Variants in ISX observed in about 807,000 individuals in gnomAD.
ISX encodes the protein intestine specific homeobox, also known as intestine-specific homeobox.
A neutral mutation model predicts 16.9 loss-of-function variants in ISX; 15 were observed. The observed-to-expected ratio is 0.89, with a 90% CI of 0.59 to 1.36. The LOEUF is 1.36. ISX is among the 40% of genes most tolerant of loss of function. The pLI, the probability that ISX is intolerant of heterozygous loss-of-function variation, is 0.00. For synonymous variants in ISX, 125 were observed against 119.7 expected, an observed-to-expected ratio of 1.04 and a Z score of -0.29; for missense variants, 316 against 306.1, an observed-to-expected ratio of 1.03 and a Z score of -0.24.
Position 35,085,824 on chromosome 22 carries a change from G to A in ISX, c.*131G>A. ...GGCCCACAGCCCAGGAAGCTACCCT[G>A]AACATGCCAGTTGGAAGGCTGCACC... On this transcript the variant is annotated 3_prime_UTR_variant, in exon 5 of 5. Coordinates refer to ENST00000404699, the MANE Select transcript of ISX (RefSeq NM_001303508.2). The A allele has an allele frequency of 8.9e-7, 1 of 1,125,480 alleles. No individual in the cohort carries two copies. The highest frequency in any genetic ancestry group is 1.5e-5 in the African/African-American group (1 of 65,198). The allele number at this position is 1,125,480 out of a possible 1,614,324, so 69.7% of individuals were successfully genotyped here.
rs1929238321 is a variant in ISX at position 35,085,703 on chromosome 22, A to T, written c.*10A>T. 1.2e-6 allele frequency: 2 copies of T among 1,613,978 alleles called. No homozygotes were observed. Among genetic ancestry groups the T allele is most frequent in the Admixed American group, 3.3e-5 (2 of 59,996 alleles). On this transcript the variant is annotated 3_prime_UTR_variant, in exon 5 of 5. Coordinates refer to ENST00000404699, the MANE Select transcript of ISX (RefSeq NM_001303508.2). Reference sequence around the variant, plus strand: ...TGCTACTTCAACATAGAGATTGGACATGCTCTCCCCAAATGAGCCACTTTC... The same window carrying T: ...TGCTACTTCAACATAGAGATTGGACTTGCTCTCCCCAAATGAGCCACTTTC...
At chr22:35,083,194 C>T (rs1187275885) in intron 3 of ISX, among the ~76,000 whole-genome samples, 1 of 152,160 alleles carries the variant, frequency 6.6e-6, no homozygotes, top group Non-Finnish European at 1.5e-5. Flanking sequence ...TAAAATACTA[C>T]CCTTCTTTTT....
chr22:35,070,869 T>C (rs1192570029), intron 2 of ISX, among the ~76,000 whole-genome samples: 4 of 152,240 alleles, frequency 2.6e-5, no homozygotes, highest in Non-Finnish European at 5.9e-5. Context: ...GATGGTAATT[T>C]TAAGCTTTGA....
intron 3 of ISX, among the ~76,000 whole-genome samples, chr22:35,083,798 AG>A (rs1929180396): frequency 6.6e-6 from 1 of 152,354 alleles, no homozygotes; most frequent in East Asian, 1.9e-4. Context: ...TCAGCCACAA[AG>A]CCCAGAATTC....
At chr22:35,070,534 G>A (rs1030482012) in intron 2 of ISX, among the ~76,000 whole-genome samples, 2 of 152,232 alleles carry the variant, frequency 1.3e-5, no homozygotes, top group East Asian at 3.9e-4. Flanking sequence ...GACCACCCCA[G>A]TGGGTAAACC....
Position 35,086,010 on chromosome 22 carries a change from C to T in ISX, c.*317C>T, listed in dbSNP as rs1315561633. The T allele has an allele frequency of 7.5e-6, 3 of 399,296 alleles. No individual in the cohort carries two copies. The highest frequency in any genetic ancestry group is 9.4e-6 in the Non-Finnish European group (2 of 212,236). The allele number at this position is 399,296 out of a possible 1,614,324, so 24.7% of individuals were successfully genotyped here. ...TGTTTCCTCTAACTTGCTGTGTGAC[C>T]TCCAGCCGGTCACTCACCCTCTCTG... On this transcript the variant is annotated 3_prime_UTR_variant, in exon 5 of 5. Coordinates refer to ENST00000404699, the MANE Select transcript of ISX (RefSeq NM_001303508.2).
chr22:35,075,762 G>T (rs1232884917), intron 2 of ISX, among the ~76,000 whole-genome samples: 2 of 152,174 alleles, frequency 1.3e-5, no homozygotes, highest in Admixed American at 6.5e-5. Context: ...TGCCTAGAGA[G>T]TGCTAAGCCA....
chr22:35,078,844 G>A (rs779583315), intron 2 of ISX, among the ~76,000 whole-genome samples: 8 of 152,236 alleles, frequency 5.3e-5, no homozygotes, highest in Admixed American at 2.0e-4. Context: ...GCAAGCCTGC[G>A]GTGAGTGCTT....
chr22:35,076,039 AT>A lies in ISX; in HGVS notation c.230-6470del, dbSNP rs536527092. ...ATTGACTCATAGAGACTCATAGAAA[AT>A]TTTTTTTTACAAATATGGAAGCCAG... On this transcript the variant is annotated intron_variant, in intron 2 of 4. Transcript: ENST00000404699. Among the ~76,000 whole-genome samples, 49 of 151,846 alleles carry A rather than the reference AT, an allele frequency of 3.2e-4. No individual in the cohort carries two copies. In the South Asian group the frequency reaches 9.8e-3, roughly 30 times the overall value.
chr22:35,070,643 G>C (rs1928825872), intron 2 of ISX, among the ~76,000 whole-genome samples: 2 of 152,176 alleles, frequency 1.3e-5, no homozygotes. Context: ...TGCTTACTCT[G>C]GGCCAGGCTG....
chr22:35,073,609 C>T (rs1928911232), intron 2 of ISX, among the ~76,000 whole-genome samples: 1 of 152,140 alleles, frequency 6.6e-6, no homozygotes, highest in African/African-American at 2.4e-5. Context: ...AGGGACTATT[C>T]CATGGGAGTT....
chr22:35,069,245 A>G (rs1040609543), intron 2 of ISX, among the ~76,000 whole-genome samples: 2 of 152,248 alleles, frequency 1.3e-5, no homozygotes, highest in African/African-American at 4.8e-5. Flanking sequence ...GGAAAATGCT[A>G]AACAAATAAT....
At chr22:35,071,883 C>A (rs1368865318) in intron 2 of ISX, among the ~76,000 whole-genome samples, 1 of 152,140 alleles carries the variant, frequency 6.6e-6, no homozygotes, top group Non-Finnish European at 1.5e-5. Flanking sequence ...CCGTAGCCCT[C>A]CTCCTCCCCT....
intron 4 of ISX, among the ~76,000 whole-genome samples, chr22:35,084,808 C>T (rs57895795): frequency 0.017 from 2,596 of 152,230 alleles, 70 homozygotes; most frequent in African/African-American, 0.06. Flanking sequence ...GTTGGACACA[C>T]GGGCTCTGGA....
intron 2 of ISX, among the ~76,000 whole-genome samples, chr22:35,076,280 C>T (rs4821359): frequency 0.42 from 63,139 of 151,920 alleles, 13,974 homozygotes; most frequent in Non-Finnish European, 0.5. Context: ...AGTGCATAGC[C>T]GATTTGGGGA....
At chr22:35,084,308 A>G in intron 3 of ISX, 75 bp from the exon 4 acceptor site, 1 of 923,008 alleles carries the variant, frequency 1.1e-6, no homozygotes, top group South Asian at 1.5e-5. Flanking sequence ...AGGTGTAGTT[A>G]TTATGAATTT....
chr22:35,078,163 T>C (rs927616723), intron 2 of ISX, among the ~76,000 whole-genome samples: 1 of 99,786 alleles, frequency 1.0e-5, no homozygotes, highest in African/African-American at 4.9e-5. Flanking sequence ...ATCTTCCCTT[T>C]TGTAATTTTT....
rs149896833 is a variant in ISX at position 35,082,670 on chromosome 22, G to A, written c.381+1G>A. The A allele has an allele frequency of 1.3e-3, 2,137 of 1,613,934 alleles. 3 individuals carry two copies. The highest frequency in any genetic ancestry group is 1.7e-3 in the Non-Finnish European group (1,947 of 1,179,954). ...CAACCTCCCAGAAGCTCGGGTGCAG[G>A]TACAGCCATCCCTACCTCAGCCCCC... On this transcript the variant is annotated splice_donor_variant, in intron 3 of 4. Coordinates refer to ENST00000404699, the MANE Select transcript of ISX (RefSeq NM_001303508.2). LOFTEE classifies it high-confidence loss of function.
chr22:35,070,343 A>G (rs1334541712), intron 2 of ISX, among the ~76,000 whole-genome samples: 2 of 152,216 alleles, frequency 1.3e-5, no homozygotes, highest in African/African-American at 4.8e-5. Flanking sequence ...GAAGCCCTCC[A>G]AAACTCAGGA....
Sources: allele counts gnomAD v4.1 joint callset (sites outside exome capture counted in the v4.1 genomes callset), GRCh38; gene constraint gnomAD v4.1.1; transcripts MANE v1.5; gene names NCBI Gene and HGNC (gene_info 2026-07-23, HGNC 2026-07-21).